Variants in MBD6 observed in about 807,000 individuals in gnomAD.
MBD6 encodes the protein methyl-CpG binding domain protein 6.
Under a neutral mutation model 66.8 loss-of-function variants are expected in MBD6, and 22 were observed. The observed-to-expected ratio is 0.33, with a 90% CI of 0.24 to 0.47. The LOEUF (loss-of-function observed/expected upper bound fraction) is 0.47, where lower values mean the gene tolerates loss of function less well. Ranked by LOEUF, MBD6 falls within the 20% of genes least tolerant of loss-of-function variation. The probability of loss-of-function intolerance (pLI) is 1.00; values close to 1 mark genes in which losing one functional copy is unlikely to be tolerated. For synonymous variants in MBD6, 540 were observed against 534.6 expected (o/e 1.01, Z -0.14); for missense variants, 1,322 against 1,286.9 (o/e 1.03, Z -0.42).
In MBD6 at chr12:57,526,703, T is replaced by C. The variant is rs1261810728; in HGVS notation, c.1558T>C (p.Phe520Leu). ...CCTGGCTGGTGGAGAGGCTTTCCCT[T>C]TCCCCAGCCCTGAGCAGGGCCTGGC... ...PPLAGGEAFP[F>L]PSPEQGLALS... is the part of the protein sequence containing the mutation. Residue 520 changes from phenylalanine (F) to leucine (L), a missense_variant, in exon 7 of 13, where the codon TTC (phenylalanine) becomes CTC (leucine). Transcript: ENST00000355673. 20 of 1,536,970 alleles carry C rather than the reference T, an allele frequency of 1.3e-5. No homozygotes were observed. In the Admixed American group the frequency reaches 4.0e-4, roughly 31 times the overall value.
chr12:57,524,366 C>T lies in MBD6; in HGVS notation c.63C>T (p.Val21=). The change falls in exon 3 of 13, where the codon GTC becomes GTT. Residue 21 remains valine (V), a synonymous_variant. Coordinates refer to ENST00000355673, the MANE Select transcript of MBD6 (RefSeq NM_052897.4). The part of the protein sequence containing the change: ...DRAGGPVATS[V]PIGWQRCVRE... ...CTGGGGGCCCTGTGGCCACATCTGTCCCCATCGGCTGGCAGCGCTGTGTGC... is the reference window on the plus strand; with the variant it reads ...CTGGGGGCCCTGTGGCCACATCTGTTCCCATCGGCTGGCAGCGCTGTGTGC... 1 of 1,600,564 alleles carries T rather than the reference C, an allele frequency of 6.2e-7. No individual in the cohort carries two copies. The highest frequency in any genetic ancestry group is 8.5e-7 in the Non-Finnish European group (1 of 1,173,376).
rs143497769 is a variant in MBD6, at chr12:57,528,696, C to T, written c.2851C>T (p.Arg951Cys). The T allele has an allele frequency of 3.7e-4, 594 of 1,614,064 alleles. 1 individual carries two copies. Among genetic ancestry groups the T allele is most frequent in the Non-Finnish European group, 4.8e-4 (562 of 1,180,038 alleles). ...VPPGVVRKSR[R>C]GRRRKYNPTR... ...CCCGGGAGTAGTCAGAAAGTCTCGT[C>T]GTGGCCGTAGGAGAAAATACAAGTG... The change falls in exon 11 of 13, where the codon CGT (arginine) becomes TGT (cysteine). Residue 951 changes from arginine to cysteine, a missense_variant. Transcript: ENST00000355673.
chr12:57,524,236 C>T, intron 2 of MBD6, 44 bp from the exon 3 acceptor site: 1 of 1,238,800 alleles, frequency 8.1e-7, no homozygotes, highest in South Asian at 1.6e-5. Context: ...GTACTTCGCT[C>T]AGTTTAATCC....
upstream of MBD6, chr12:57,522,767 GGCGGCA>G (rs1296256589): frequency 5.0e-5 from 8 of 158,472 alleles, no homozygotes; most frequent in South Asian, 1.7e-4. Flanking sequence ...CGACGGCGGC[GGCGGCA>G]GCGGCAGCAG....
chr12:57,520,716 C>T (rs1878258803), upstream of MBD6: 1 of 189,256 alleles, frequency 5.3e-6, no homozygotes, highest in African/African-American at 2.5e-5. Flanking sequence ...CCGGAAGTGG[C>T]TTTGGGTCAC....
rs745359546 is a variant in MBD6, at chr12:57,528,197, C to A, written c.2457C>A (p.Ala819=). The part of the protein sequence containing the change: ...EAPCLPPESP[A]SALEPEPARP... ...CCTGTCTACCCCCCGAGAGCCCTGC[C>A]TCAGCCCTCGAACCAGAGCCTGCCA... is the stretch of plus-strand genomic sequence containing the variant. The change falls in exon 10 of 13, where the codon GCC becomes GCA. Residue 819 remains alanine (A), a synonymous_variant. Transcript: ENST00000355673. 6.2e-7 allele frequency: 1 copy of A among 1,611,820 alleles called. No individual in the cohort carries two copies. The highest frequency in any genetic ancestry group is 8.5e-7 in the Non-Finnish European group (1 of 1,179,328).
intron 3 of MBD6, 104 bp downstream of exon 3, chr12:57,524,520 C>T: frequency 1.7e-6 from 2 of 1,147,656 alleles, no homozygotes; most frequent in East Asian, 2.5e-5. Flanking sequence ...GATTGCTCTC[C>T]TCTCTTCCCC....
At chr12:57,522,446 C>T (rs946720547), upstream of MBD6, among the ~76,000 whole-genome samples, 10 of 152,116 alleles carry the variant, frequency 6.6e-5, no homozygotes, top group African/African-American at 2.4e-4. Context: ...CCCTCCCGGA[C>T]CTGGCATTCC....
intron 5 of MBD6, 33 bp downstream of exon 5, chr12:57,525,148 G>A (rs1878781903): frequency 6.3e-7 from 1 of 1,592,510 alleles, no homozygotes; most frequent in Non-Finnish European, 8.5e-7. Flanking sequence ...GAAGACCGAG[G>A]AAAACCTAAG....
rs777218929 is a variant in MBD6, at chr12:57,525,835, A to C, written c.867A>C (p.Pro289=). 4 of 1,382,988 alleles carry C rather than the reference A, an allele frequency of 2.9e-6. No individual in the cohort carries two copies. In the Admixed American group the frequency reaches 6.4e-5, roughly 22 times the overall value. 85.7% of individuals were successfully genotyped at this position (1,382,988 alleles called of 1,614,324 possible). Residue 289 remains proline (P), a synonymous_variant, in exon 6 of 13, where the codon CCA becomes CCC. Transcript: ENST00000355673. ...PAHPGPASQP[P]VSSATMHLPL... is the part of the protein sequence containing the mutation. ...ACCCTGGTCCTGCCTCTCAGCCACC[A>C]GTGTCTTCAGCCACTATGCACCTGC...
chr12:57,530,883 T>A, downstream of MBD6: 1 of 989,096 alleles, frequency 1.0e-6, no homozygotes, highest in Non-Finnish European at 1.6e-6. Flanking sequence ...AAGCACAATT[T>A]GTGGGCCACA....
In MBD6 at chr12:57,529,287, G is replaced by T. The variant is rs1594871252; in HGVS notation, c.*53G>T. On this transcript the variant is annotated 3_prime_UTR_variant, in exon 13 of 13. Coordinates refer to ENST00000355673, the MANE Select transcript of MBD6 (RefSeq NM_052897.4). ...CTGATTGGGGAGAGCTGAGTGCTGA[G>T]CCTTGGGAGCCCCTGCCAGCCACCT... The T allele has an allele frequency of 1.3e-6, 2 of 1,597,112 alleles. No individual in the cohort carries two copies. Among genetic ancestry groups the T allele is most frequent in the East Asian group, 4.5e-5 (2 of 44,710 alleles).
intron 1 of MBD6, among the ~76,000 whole-genome samples, 168 bp from the exon 2 acceptor site, chr12:57,523,861 A>C (rs1878628926): frequency 6.6e-6 from 1 of 152,094 alleles, no homozygotes; most frequent in African/African-American, 2.4e-5. Flanking sequence ...GTCCCTAGGG[A>C]CTGGGCTTGG....
rs370029120 is a variant in MBD6, at chr12:57,526,124, C to G, written c.1156C>G (p.Arg386Gly). 1.2e-5 allele frequency: 19 copies of G among 1,614,058 alleles called. No individual in the cohort carries two copies. Among genetic ancestry groups the G allele is most frequent in the Non-Finnish European group, 1.6e-5 (19 of 1,179,990 alleles). The part of the protein sequence containing the change: ...LEGRGPQTPR[R>G]SRPRAPAPVP... ...AGGGAGAGGCCCTCAAACCCCTAGA[C>G]GGAGCCGTCCTCGGGCCCCTGCTCC... The change falls in exon 6 of 13, where the codon CGG becomes GGG. Residue 386 changes from arginine (R) to glycine (G), a missense_variant. Physicochemically the swap from Arg to Gly is moderately radical, Grantham distance 125. Coordinates refer to ENST00000355673, the MANE Select transcript of MBD6 (RefSeq NM_052897.4).
chr12:57,527,048 G>A lies in MBD6; in HGVS notation c.1903G>A (p.Ala635Thr), dbSNP rs773943985. ...FLPLLALGPT[A>T]GDGEGSAEGA... ...GCCCCTGTTGGCTCTGGGCCCCACA[G>A]CTGGGGATGGGGAGGGATCTGCAGA... Residue 635 changes from alanine (A) to threonine (T), a missense_variant, in exon 7 of 13, where the codon GCT becomes ACT. Ala to Thr is a moderately conservative substitution (Grantham distance 58). Transcript: ENST00000355673. 1.9e-6 allele frequency: 3 copies of A among 1,610,136 alleles called. No homozygotes were observed. The highest frequency in any genetic ancestry group is 2.5e-6 in the Non-Finnish European group (3 of 1,177,356).
rs1368893072 is a variant in MBD6 at position 57,527,527 on chromosome 12, C to G, written c.2103C>G (p.Pro701=). 2 of 1,614,160 alleles carry G rather than the reference C, an allele frequency of 1.2e-6. No homozygotes were observed. Among genetic ancestry groups the G allele is most frequent in the Middle Eastern group, 1.7e-4 (1 of 6,060 alleles). The change falls in exon 8 of 13, where the codon CCC becomes CCG. Residue 701 remains proline (P), a synonymous_variant. Coordinates refer to ENST00000355673, the MANE Select transcript of MBD6 (RefSeq NM_052897.4). ...TPPQPCVLSA[P]QPGPPTSSVT... is the part of the protein sequence containing the mutation. Reference sequence around the variant, plus strand: ...CTTAGCCCTGTGTCCTGAGTGCCCCCCAACCTGGACCACCTACCTCCAGTG... The same window carrying G: ...CTTAGCCCTGTGTCCTGAGTGCCCCGCAACCTGGACCACCTACCTCCAGTG...
chr12:57,528,649 A>G lies in MBD6; in HGVS notation c.2821-17A>G. 1.2e-5 allele frequency: 19 copies of G among 1,614,004 alleles called. No individual in the cohort carries two copies. Among genetic ancestry groups the G allele is most frequent in the Non-Finnish European group, 1.5e-5 (18 of 1,179,990 alleles). On this transcript the variant is annotated splice_polypyrimidine_tract_variant and intron_variant, in intron 10 of 12. Coordinates refer to ENST00000355673, the MANE Select transcript of MBD6 (RefSeq NM_052897.4). The stretch of plus-strand genomic sequence containing the variant: ...CTTTTTCGAAATTTCCCACACACAT[A>G]GTCCATCTTTTCTCAGGTGCCCCCG...
intron 12 of MBD6, 36 bp from the exon 13 acceptor site, chr12:57,529,124 A>G (rs1432543438): frequency 3.1e-6 from 5 of 1,613,778 alleles, no homozygotes; most frequent in South Asian, 1.1e-5. Context: ...ATACCTAGCA[A>G]TTGACCACTT....
At position 57,527,910 on chromosome 12, in the gene MBD6, C is replaced by T. The variant is rs781183998; in HGVS notation, c.2299C>T (p.Pro767Ser). ...CCCCAGCCTGTTGCAGCCTCCTGGC[C>T]CTCTTCTCTCTGGCCAGTTGGGGCT... Reference protein sequence around the residue: ...ALPSLLQPPGPLLSGQLGLQL... With the variant: ...ALPSLLQPPGSLLSGQLGLQL... Residue 767 changes from proline (P) to serine (S), a missense_variant, in exon 9 of 13, where the codon CCT becomes TCT. Pro to Ser is a moderately conservative substitution (Grantham distance 74). Transcript: ENST00000355673. 2 of 1,613,608 alleles carry T rather than the reference C, an allele frequency of 1.2e-6. No homozygotes were observed. Among genetic ancestry groups the T allele is most frequent in the South Asian group, 1.1e-5 (1 of 91,058 alleles).
Sources: gnomAD v4.1 joint callset for allele counts (sites outside exome capture counted in the v4.1 genomes callset) on GRCh38, gnomAD v4.1.1 for gene constraint, MANE v1.5 for transcripts, NCBI Gene and HGNC (gene_info 2026-07-23, HGNC 2026-07-21) for gene names.